The following SCHIP1 variants were observed in gnomAD, a reference collection of about 807,000 sequenced individuals.
SCHIP1 encodes schwannomin interacting protein 1, also known as schwannomin-interacting protein 1.
Under a neutral mutation model 29.7 loss-of-function variants are expected in SCHIP1, and 8 were observed. The ratio of observed to expected loss-of-function variants is 0.27; its 90% CI spans 0.16 to 0.49. The LOEUF is 0.49. SCHIP1 is among the 20% of genes least tolerant of loss of function. SCHIP1 has a pLI of 0.99. For synonymous variants in SCHIP1, 76 were observed against 94.9 expected (o/e 0.80, Z 1.16); for missense variants, 193 against 294.6 (o/e 0.66, Z 2.52).
chr3:159,398,616 T>A, the SCHIP1 span, among the ~76,000 whole-genome samples: 1 of 152,302 alleles, frequency 6.6e-6, no homozygotes. Flanking sequence ...GGTGATTTGA[T>A]CTCAGAGGTC....
chr3:159,824,431 A>C, the SCHIP1 span, among the ~76,000 whole-genome samples: 3 of 152,130 alleles, frequency 2.0e-5, no homozygotes, highest in Non-Finnish European at 4.4e-5. Flanking sequence ...ATTTATCTGG[A>C]CAGAAGGCAT....
At chr3:159,640,845 C>A in the SCHIP1 span, among the ~76,000 whole-genome samples, 1 of 152,120 alleles carries the variant, frequency 6.6e-6, no homozygotes, top group Non-Finnish European at 1.5e-5. Flanking sequence ...GCTGATAGTT[C>A]CCTGTGAGCA....
chr3:159,415,042 A>G, the SCHIP1 span, among the ~76,000 whole-genome samples: 3 of 152,170 alleles, frequency 2.0e-5, no homozygotes, highest in Non-Finnish European at 4.4e-5. Flanking sequence ...TTTCTTAACT[A>G]GGCTAATTAA....
the SCHIP1 span, among the ~76,000 whole-genome samples, chr3:159,780,929 T>G: frequency 1.3e-5 from 2 of 152,188 alleles, no homozygotes; most frequent in Non-Finnish European, 2.9e-5. Flanking sequence ...TGCGTCCACT[T>G]GATGAGGCTG....
chr3:159,636,613 G>T, the SCHIP1 span, among the ~76,000 whole-genome samples: 2 of 152,196 alleles, frequency 1.3e-5, no homozygotes, highest in African/African-American at 4.8e-5. Flanking sequence ...TAATTTAAAT[G>T]TAGAAGTGAT....
chr3:159,306,683 A>G, the SCHIP1 span: 2 of 299,588 alleles, frequency 6.7e-6, no homozygotes, highest in African/African-American at 2.3e-5. Context: ...CATATGATTT[A>G]TGGAGAAGAT....
the SCHIP1 span, among the ~76,000 whole-genome samples, chr3:159,578,192 T>A: frequency 2.0e-5 from 3 of 152,152 alleles, no homozygotes; most frequent in Non-Finnish European, 4.4e-5. Context: ...TATACTAGAA[T>A]AATCTGCATT....
the SCHIP1 span, among the ~76,000 whole-genome samples, chr3:159,289,425 A>G: frequency 4.6e-5 from 7 of 151,222 alleles, no homozygotes; most frequent in Non-Finnish European, 8.8e-5. Context: ...TTATTTATTT[A>G]TTTATTTATT....
the SCHIP1 span, among the ~76,000 whole-genome samples, chr3:159,636,707 A>G: frequency 2.0e-5 from 3 of 152,222 alleles, no homozygotes; most frequent in African/African-American, 7.2e-5. Flanking sequence ...TCCAGAGGGA[A>G]ATTGGCATGA....
At chr3:159,765,108 C>A in the SCHIP1 span, 1 of 1,570,248 alleles carries the variant, frequency 6.4e-7, no homozygotes, top group Non-Finnish European at 8.6e-7. Context: ...AGGTACGGAA[C>A]CAGGGCCAGG....
the SCHIP1 span, among the ~76,000 whole-genome samples, chr3:159,309,582 C>T: frequency 1.4e-5 from 2 of 138,860 alleles, no homozygotes; most frequent in Non-Finnish European, 3.2e-5. Context: ...TTCCTGCTCA[C>T]ATGTGGAAGG....
At chr3:159,577,974 G>A in the SCHIP1 span, among the ~76,000 whole-genome samples, 6 of 152,176 alleles carry the variant, frequency 3.9e-5, no homozygotes, top group South Asian at 2.1e-4. Flanking sequence ...AATATCTAGA[G>A]CAGTGCTTCT....
the SCHIP1 span, among the ~76,000 whole-genome samples, chr3:159,423,438 C>T: frequency 1.1e-4 from 16 of 152,328 alleles, no homozygotes; most frequent in African/African-American, 2.2e-4. Flanking sequence ...CCTATGCCCA[C>T]GGAGTCTTGC....
At chr3:159,840,823 T>C (rs1744150460) in intron 1 of SCHIP1, among the ~76,000 whole-genome samples, 1 of 152,226 alleles carries the variant, frequency 6.6e-6, no homozygotes, top group South Asian at 2.1e-4. Context: ...AAAATCTTAG[T>C]AATTCATATT....
chr3:159,547,607 G>A, the SCHIP1 span, among the ~76,000 whole-genome samples: 4 of 152,128 alleles, frequency 2.6e-5, no homozygotes, highest in Admixed American at 6.6e-5. Context: ...TGTAAGGAAG[G>A]GGTCCAGTTT....
At chr3:159,530,883 G>A in the SCHIP1 span, among the ~76,000 whole-genome samples, 1 of 152,136 alleles carries the variant, frequency 6.6e-6, no homozygotes, top group East Asian at 1.9e-4. Context: ...AAATCCAAAT[G>A]CAAAGAGTCA....
chr3:159,393,796 G>T, the SCHIP1 span, among the ~76,000 whole-genome samples: 6 of 151,794 alleles, frequency 4.0e-5, no homozygotes, highest in Non-Finnish European at 7.4e-5. Context: ...TGGCGATGCG[G>T]GCTCTTTTTT....
At chr3:159,667,444 G>A in the SCHIP1 span, among the ~76,000 whole-genome samples, 1 of 152,224 alleles carries the variant, frequency 6.6e-6, no homozygotes, top group South Asian at 2.1e-4. Flanking sequence ...TGTACGTGTT[G>A]TGGGTTCTTG....
the SCHIP1 span, among the ~76,000 whole-genome samples, chr3:159,439,372 G>A: frequency 4.1e-4 from 63 of 152,212 alleles, no homozygotes; most frequent in Non-Finnish European, 1.3e-4. Context: ...TCAAAAGGCG[G>A]CAGGAAGGAG....
Sources: gnomAD v4.1 joint callset for allele counts (sites outside exome capture counted in the v4.1 genomes callset) on GRCh38, gnomAD v4.1.1 for gene constraint, MANE v1.5 for transcripts, NCBI Gene and HGNC (gene_info 2026-07-23, HGNC 2026-07-21) for gene names.